SH3RF3: variants seen among roughly 807,000 people sequenced by gnomAD.
The protein encoded by SH3RF3 is SH3 domain containing ring finger 3, also known as E3 ubiquitin-protein ligase SH3RF3.
A neutral mutation model predicts 66.3 loss-of-function variants in SH3RF3; 29 were observed. That is an observed-to-expected ratio of 0.44 (90% CI 0.33 to 0.60). The LOEUF (loss-of-function observed/expected upper bound fraction) is 0.60, where lower values mean the gene tolerates loss of function less well. Among genes scored for constraint, SH3RF3 ranks in the 20% least tolerant of loss-of-function variants. The pLI is 0.04. For synonymous variants in SH3RF3, 583 were observed against 532.0 expected, an observed-to-expected ratio of 1.10 and a Z score of -1.32; for missense variants, 1,194 against 1,190.9, an observed-to-expected ratio of 1.00 and a Z score of -0.04.
chr2:109,249,573 TTCC>T (rs58928310), intron 1 of SH3RF3, among the ~76,000 whole-genome samples: 8 of 137,330 alleles, frequency 5.8e-5, no homozygotes, highest in African/African-American at 8.8e-5. Flanking sequence ...CCTTCCTTCC[TTCC>T]TTCCTTCCTT....
chr2:109,379,556 C>T (rs1361733858), intron 3 of SH3RF3, among the ~76,000 whole-genome samples: 1 of 152,250 alleles, frequency 6.6e-6, no homozygotes, highest in East Asian at 1.9e-4. Context: ...AGGAAAAATA[C>T]TCAGGGATGT....
chr2:109,276,153 T>A (rs1344798314), intron 1 of SH3RF3, among the ~76,000 whole-genome samples: 2 of 152,108 alleles, frequency 1.3e-5, no homozygotes, highest in African/African-American at 4.8e-5. Context: ...AGGGTTCGAG[T>A]TAGGAGCAGG....
chr2:109,386,739 C>T (rs868754556), intron 3 of SH3RF3, among the ~76,000 whole-genome samples: 2 of 152,316 alleles, frequency 1.3e-5, no homozygotes, highest in South Asian at 2.1e-4. Flanking sequence ...TCACCTAGGG[C>T]TGGAAACAAA....
At chr2:109,430,051 C>T (rs1189611913) in intron 5 of SH3RF3, among the ~76,000 whole-genome samples, 2 of 152,198 alleles carry the variant, frequency 1.3e-5, no homozygotes, top group Non-Finnish European at 2.9e-5. Flanking sequence ...GAGAGGAGTC[C>T]GTGAGCTGTG....
At chr2:109,273,837 T>C (rs2105325334) in intron 1 of SH3RF3, among the ~76,000 whole-genome samples, 1 of 152,258 alleles carries the variant, frequency 6.6e-6, no homozygotes, top group East Asian at 1.9e-4. Context: ...ACATGCTGAT[T>C]GCTTATAAAG....
At chr2:109,146,032 C>CGGAGTCCATGCGGGCCGAG (rs72205718) in intron 1 of SH3RF3, among the ~76,000 whole-genome samples, 2 of 152,074 alleles carry the variant, frequency 1.3e-5, no homozygotes, top group Admixed American at 1.3e-4. Flanking sequence ...TGTGGGCCGA[C>CGGAGTCCATGCGGGCCGAG]GGAGTCCATG....
chr2:109,353,892 C>G (rs1682891822), intron 2 of SH3RF3, among the ~76,000 whole-genome samples: 1 of 152,130 alleles, frequency 6.6e-6, no homozygotes, highest in Non-Finnish European at 1.5e-5. Flanking sequence ...CTCAGACCCC[C>G]TGAGGGGCCC....
chr2:109,303,038 T>C (rs1424947430), intron 1 of SH3RF3, among the ~76,000 whole-genome samples: 1 of 152,116 alleles, frequency 6.6e-6, no homozygotes. Flanking sequence ...CACCATGCCC[T>C]ACTAATTTTG....
In SH3RF3 at chr2:109,503,668, C is replaced by T. The variant is rs2104423996; in HGVS notation, c.*1997C>T. 1 of 152,336 alleles carries T rather than the reference C, an allele frequency of 6.6e-6. No homozygotes were observed. Among genetic ancestry groups the T allele is most frequent in the South Asian group, 2.1e-4 (1 of 4,826 alleles). The allele number at this position is 152,336 out of a possible 1,614,324, so 9.4% of individuals were successfully genotyped here. On this transcript the variant is annotated 3_prime_UTR_variant, in exon 10 of 10. Transcript: ENST00000309415. ...CCAAAGAGGTGCACAGATCAACAAC[C>T]TGGATGACGCAGGTGTTCTCCAGGG...
At chr2:109,188,661 T>G (rs991570650) in intron 1 of SH3RF3, among the ~76,000 whole-genome samples, 1 of 152,186 alleles carries the variant, frequency 6.6e-6, no homozygotes, top group African/African-American at 2.4e-5. Context: ...AGGGCTGGAA[T>G]GCAAAGCGCT....
At chr2:109,483,077 A>T (rs949958107) in intron 8 of SH3RF3, among the ~76,000 whole-genome samples, 2 of 152,178 alleles carry the variant, frequency 1.3e-5, no homozygotes, top group Admixed American at 6.5e-5. Context: ...AATGCGTTGC[A>T]TATTTATATT....
At chr2:109,427,469 C>G (rs997240233) in intron 5 of SH3RF3, among the ~76,000 whole-genome samples, 2 of 152,130 alleles carry the variant, frequency 1.3e-5, no homozygotes, top group African/African-American at 4.8e-5. Context: ...TATGCCTGTA[C>G]CTGGAGGGCT....
intron 1 of SH3RF3, among the ~76,000 whole-genome samples, chr2:109,279,582 G>A (rs1271295619): frequency 6.6e-6 from 1 of 152,146 alleles, no homozygotes; most frequent in East Asian, 1.9e-4. Context: ...TTGCCTAGTG[G>A]GTGGGATTTC....
intron 1 of SH3RF3, among the ~76,000 whole-genome samples, chr2:109,313,271 G>C (rs1039378386): frequency 6.6e-6 from 1 of 152,212 alleles, no homozygotes; most frequent in Non-Finnish European, 1.5e-5. Flanking sequence ...CAAGGCCCAG[G>C]CCTTACCCCA....
chr2:109,398,657 A>T lies in SH3RF3; in HGVS notation c.1013A>T (p.Asn338Ile). 1 of 1,605,980 alleles carries T rather than the reference A, an allele frequency of 6.2e-7. No individual in the cohort carries two copies. Among genetic ancestry groups the T allele is most frequent in the Middle Eastern group, 1.7e-4 (1 of 6,054 alleles). ...KPCPAAASSC[N>I]ASLPSDSGAV... is the part of the protein sequence containing the mutation. ...TGCCCAGCCGCTGCATCCAGCTGCA[A>T]TGCCTCCCTGCCCTCTGACTCCGGC... The change falls in exon 4 of 10, where the codon AAT (asparagine) becomes ATT (isoleucine). Residue 338 changes from asparagine to isoleucine, a missense_variant. Transcript: ENST00000309415.
At chr2:109,451,288 C>T (rs757080822) in intron 8 of SH3RF3, among the ~76,000 whole-genome samples, 2 of 152,178 alleles carry the variant, frequency 1.3e-5, no homozygotes, top group Non-Finnish European at 2.9e-5. Context: ...CCCTGCAGCC[C>T]TTGTTATGAG....
At chr2:109,425,637 A>G (rs1402144229) in intron 5 of SH3RF3, among the ~76,000 whole-genome samples, 1 of 152,176 alleles carries the variant, frequency 6.6e-6, no homozygotes, top group Non-Finnish European at 1.5e-5. Context: ...GCATGATAGC[A>G]CACGTGTTTA....
At chr2:109,285,565 G>A (rs751127384) in intron 1 of SH3RF3, among the ~76,000 whole-genome samples, 4 of 152,160 alleles carry the variant, frequency 2.6e-5, no homozygotes, top group Non-Finnish European at 4.4e-5. Context: ...CAGAGGCTGA[G>A]GTGGTGCGTC....
intron 1 of SH3RF3, among the ~76,000 whole-genome samples, chr2:109,212,192 A>C (rs908354649): frequency 5.3e-5 from 8 of 152,150 alleles, no homozygotes; most frequent in Admixed American, 1.3e-4. Context: ...GGTACCAGCC[A>C]CTGGTGTCTG....
Sources: allele counts gnomAD v4.1 joint callset (sites outside exome capture counted in the v4.1 genomes callset), GRCh38; gene constraint gnomAD v4.1.1; transcripts MANE v1.5; gene names NCBI Gene and HGNC (gene_info 2026-07-23, HGNC 2026-07-21).